The following PPARGC1A variants were observed in gnomAD, a reference collection of about 807,000 sequenced individuals.
PPARGC1A encodes peroxisome proliferator-activated receptor gamma coactivator 1-alpha.
PPARGC1A carries 25 observed loss-of-function variants against 88.7 expected under a neutral mutation model. The observed-to-expected ratio is 0.28, with a 90% CI of 0.21 to 0.39. The LOEUF is 0.39. Ranked by LOEUF, PPARGC1A falls within the 10% of genes least tolerant of loss-of-function variation. The pLI, the probability that PPARGC1A is intolerant of heterozygous loss-of-function variation, is 1.00. For missense variants in PPARGC1A, 880 were observed against 968.7 expected (o/e 0.91, Z 1.22); for synonymous variants, 363 against 355.6 (o/e 1.02, Z -0.24).
At chr4:24,005,762 G>T in the PPARGC1A span, among the ~76,000 whole-genome samples, 2 of 152,038 alleles carry the variant, frequency 1.3e-5, no homozygotes, top group Non-Finnish European at 2.9e-5. Flanking sequence ...GACCGGCTCT[G>T]AACATGTGTT....
At chr4:23,797,862 G>A (rs189327569) in intron 12 of PPARGC1A, among the ~76,000 whole-genome samples, 231 of 152,288 alleles carry the variant, frequency 1.5e-3, no homozygotes, top group Non-Finnish European at 2.4e-3. Flanking sequence ...AGGCCTCTGA[G>A]CCCAAGCTAA....
At chr4:24,154,833 A>G in the PPARGC1A span, among the ~76,000 whole-genome samples, 2 of 152,218 alleles carry the variant, frequency 1.3e-5, no homozygotes, top group South Asian at 4.1e-4. Context: ...AGGAAAAATT[A>G]ATTGTCTAAA....
chr4:24,299,755 G>A, the PPARGC1A span, among the ~76,000 whole-genome samples: 1 of 152,150 alleles, frequency 6.6e-6, no homozygotes, highest in South Asian at 2.1e-4. Flanking sequence ...ATCTAGGGAA[G>A]CATGTCACTC....
At chr4:24,173,955 A>G in the PPARGC1A span, among the ~76,000 whole-genome samples, 1 of 152,240 alleles carries the variant, frequency 6.6e-6, no homozygotes, top group Non-Finnish European at 1.5e-5. Context: ...TTGGGGAACC[A>G]TAATTCTTTG....
At chr4:24,129,538 A>C in the PPARGC1A span, among the ~76,000 whole-genome samples, 2 of 152,200 alleles carry the variant, frequency 1.3e-5, no homozygotes, top group Admixed American at 1.3e-4. Context: ...AATAACAATA[A>C]AAATAATAAT....
At chr4:23,800,745 C>T (rs184786974) in intron 12 of PPARGC1A, among the ~76,000 whole-genome samples, 14 of 151,496 alleles carry the variant, frequency 9.2e-5, no homozygotes, top group South Asian at 4.2e-4. Flanking sequence ...TTCTTAATAC[C>T]TTTTTATATT....
At chr4:23,878,823 G>C (rs1715335749) in intron 2 of PPARGC1A, among the ~76,000 whole-genome samples, 1 of 152,134 alleles carries the variant, frequency 6.6e-6, no homozygotes, top group Non-Finnish European at 1.5e-5. Context: ...CCAGAATTTG[G>C]AATTTTGTGG....
intron 10 of PPARGC1A, among the ~76,000 whole-genome samples, chr4:23,809,038 C>T (rs1421244997): frequency 6.6e-6 from 1 of 151,768 alleles, no homozygotes; most frequent in Non-Finnish European, 1.5e-5. Context: ...CCAACACTGA[C>T]CCCAAGATAT....
intron 1 of PPARGC1A, among the ~76,000 whole-genome samples, chr4:23,887,930 C>A (rs1329610591): frequency 3.3e-5 from 5 of 152,102 alleles, no homozygotes. Flanking sequence ...ATCTTAGTAA[C>A]CTTACTGTAT....
the PPARGC1A span, among the ~76,000 whole-genome samples, chr4:24,291,076 CA>C: frequency 6.6e-6 from 1 of 152,180 alleles, no homozygotes. Flanking sequence ...TTCTATCTCT[CA>C]GATCATCACT....
chr4:24,263,486 G>C, the PPARGC1A span, among the ~76,000 whole-genome samples: 5 of 116,596 alleles, frequency 4.3e-5, no homozygotes, highest in African/African-American at 1.8e-4. Flanking sequence ...CACACACACA[G>C]AGTTGACCCT....
upstream of PPARGC1A, among the ~76,000 whole-genome samples, chr4:23,890,672 C>CAA (rs1219858565): frequency 8.0e-6 from 1 of 125,222 alleles, no homozygotes; most frequent in Non-Finnish European, 1.6e-5. Context: ...AAGGTATAAA[C>CAA]AAACTCCTCC....
the PPARGC1A span, among the ~76,000 whole-genome samples, chr4:24,175,114 C>T: frequency 6.6e-6 from 1 of 152,160 alleles, no homozygotes; most frequent in Non-Finnish European, 1.5e-5. Context: ...TCATGAGCTT[C>T]ATTGTTGGGT....
chr4:24,066,073 T>C, the PPARGC1A span, among the ~76,000 whole-genome samples: 1 of 140,528 alleles, frequency 7.1e-6, no homozygotes, highest in Admixed American at 7.8e-5. Context: ...CACTTCTCTT[T>C]GCCTTCCGTC....
At chr4:23,936,731 C>T in the PPARGC1A span, among the ~76,000 whole-genome samples, 1 of 152,034 alleles carries the variant, frequency 6.6e-6, no homozygotes, top group East Asian at 1.9e-4. Flanking sequence ...ATTAACTAGG[C>T]GTCTTGGTGC....
the PPARGC1A span, among the ~76,000 whole-genome samples, chr4:23,950,767 A>G: frequency 7.2e-5 from 11 of 152,106 alleles, no homozygotes. Flanking sequence ...CATGTAAAAC[A>G]TATTACTTAA....
intron 2 of PPARGC1A, chr4:23,883,764 C>T (rs1009817212): frequency 2.6e-5 from 4 of 152,154 alleles, no homozygotes; most frequent in Admixed American, 6.5e-5. Flanking sequence ...ATTTATTCAG[C>T]ATGTATTATA....
At chr4:24,328,215 G>A in the PPARGC1A span, among the ~76,000 whole-genome samples, 2 of 150,984 alleles carry the variant, frequency 1.3e-5, no homozygotes, top group Non-Finnish European at 2.9e-5. Context: ...GCATGAAACT[G>A]AAGGCCACCC....
chr4:24,083,481 G>A, the PPARGC1A span, among the ~76,000 whole-genome samples: 5 of 152,246 alleles, frequency 3.3e-5, no homozygotes, highest in East Asian at 9.7e-4. Flanking sequence ...TCCAGGTCCT[G>A]TTCACAAGCC....
Sources: gnomAD v4.1 joint callset for allele counts (sites outside exome capture counted in the v4.1 genomes callset) on GRCh38, gnomAD v4.1.1 for gene constraint, MANE v1.5 for transcripts, NCBI Gene and HGNC (gene_info 2026-07-23, HGNC 2026-07-21) for gene names.